The following SPDYA variants were observed in gnomAD, a reference collection of about 807,000 sequenced individuals.
The protein encoded by SPDYA is speedy/RINGO cell cycle regulator family member A, also known as speedy protein A.
SPDYA carries 11 observed loss-of-function variants against 36.7 expected under a neutral mutation model. That is an observed-to-expected ratio of 0.30 (90% CI 0.19 to 0.50). The LOEUF (loss-of-function observed/expected upper bound fraction) is 0.50. Ranked by LOEUF, SPDYA falls within the 20% of genes least tolerant of loss-of-function variation. SPDYA has a pLI of 0.98. For missense variants in SPDYA, 287 were observed against 370.9 expected (o/e 0.77, Z 1.86); for synonymous variants, 115 against 118.7 (o/e 0.97, Z 0.20).
At chr2:28,823,485 G>A (rs1056013059) in intron 5 of SPDYA, among the ~76,000 whole-genome samples, 6 of 150,860 alleles carry the variant, frequency 4.0e-5, no homozygotes, top group Admixed American at 1.3e-4. Flanking sequence ...TTAGCTGGGC[G>A]TGGTGGTGGG....
At chr2:28,823,451 C>T (rs1374533910) in intron 5 of SPDYA, among the ~76,000 whole-genome samples, 3 of 151,396 alleles carry the variant, frequency 2.0e-5, no homozygotes, top group South Asian at 2.1e-4. Context: ...GGTTGAAAGC[C>T]TGTCTCTACT....
At chr2:28,825,250 T>A (rs978565903) in intron 5 of SPDYA, among the ~76,000 whole-genome samples, 23 of 151,988 alleles carry the variant, frequency 1.5e-4, no homozygotes, top group Non-Finnish European at 2.8e-4. Flanking sequence ...GTTTTTTTTT[T>A]ACCTGAGAAT....
chr2:28,842,353 T>C (rs1224126845), intron 7 of SPDYA: 1 of 152,218 alleles, frequency 6.6e-6, no homozygotes, highest in Non-Finnish European at 1.5e-5. Flanking sequence ...GAAGCAGTTA[T>C]ACATATTTTA....
At chr2:28,844,837 A>G (rs1014348435) in intron 7 of SPDYA, among the ~76,000 whole-genome samples, 26 of 152,002 alleles carry the variant, frequency 1.7e-4, no homozygotes, top group Admixed American at 1.6e-3. Flanking sequence ...GGAGGCTGAG[A>G]CAGGAGAATT....
intron 7 of SPDYA, among the ~76,000 whole-genome samples, chr2:28,845,135 G>T (rs1271602862): frequency 3.3e-5 from 5 of 151,940 alleles, no homozygotes; most frequent in Non-Finnish European, 5.9e-5. Context: ...ACCTGGGCTG[G>T]AGTGTAGTGA....
intron 6 of SPDYA, 65 bp downstream of exon 6, chr2:28,829,384 T>G: frequency 6.6e-7 from 1 of 1,508,420 alleles, no homozygotes; most frequent in Non-Finnish European, 8.9e-7. Flanking sequence ...TATCCTTGTT[T>G]TTTAATGTGC....
chr2:28,849,454 G>A (rs1284704365), intron 7 of SPDYA, among the ~76,000 whole-genome samples: 5 of 152,186 alleles, frequency 3.3e-5, no homozygotes, highest in African/African-American at 1.2e-4. Flanking sequence ...ACCACAACCA[G>A]CTAATTTTTG....
chr2:28,842,771 T>C (rs575153095), intron 7 of SPDYA, among the ~76,000 whole-genome samples: 2 of 152,248 alleles, frequency 1.3e-5, no homozygotes, highest in South Asian at 4.1e-4. Context: ...TATACATTCA[T>C]TTTCCTCCAA....
rs769726240 is a variant in SPDYA at position 28,815,100 on chromosome 2, A to C, written c.-19+414A>C. On this transcript the variant is annotated intron_variant, in intron 2 of 7. Transcript: ENST00000334056. Reference sequence around the variant, plus strand: ...AGTTTGAGAGCAGCCTGGGCAACATAGTGAGACCTCATCTCTACAAAAATT... The same window carrying C: ...AGTTTGAGAGCAGCCTGGGCAACATCGTGAGACCTCATCTCTACAAAAATT... Among the ~76,000 whole-genome samples the C allele has an allele frequency of 3.3e-4, 50 of 152,230 alleles. 1 individual carries two copies. The Middle Eastern group carries it at 0.017, about 52-fold the overall frequency.
At chr2:28,826,197 C>T (rs1033549973) in intron 5 of SPDYA, among the ~76,000 whole-genome samples, 1 of 151,714 alleles carries the variant, frequency 6.6e-6, no homozygotes, top group African/African-American at 2.4e-5. Flanking sequence ...AGTGCATTGG[C>T]ACCATCTTGG....
intron 7 of SPDYA, among the ~76,000 whole-genome samples, chr2:28,841,233 C>T (rs1044920810): frequency 6.6e-5 from 10 of 151,950 alleles, no homozygotes; most frequent in Admixed American, 5.2e-4. Context: ...CGCACCCAGG[C>T]CAAAACCTGA....
intron 7 of SPDYA, among the ~76,000 whole-genome samples, chr2:28,848,687 C>G (rs1668949920): frequency 6.6e-6 from 1 of 152,144 alleles, no homozygotes; most frequent in Admixed American, 6.5e-5. Flanking sequence ...TTAAATACTT[C>G]TAGCCTAAGA....
intron 7 of SPDYA, among the ~76,000 whole-genome samples, chr2:28,843,094 ACTC>A (rs1198146089): frequency 2.0e-5 from 3 of 152,026 alleles, no homozygotes; most frequent in African/African-American, 7.3e-5. Context: ...CAAGCAAACA[ACTC>A]CTCAATTTGC....
At chr2:28,829,447 G>T (rs1490729041) in intron 6 of SPDYA, 128 bp downstream of exon 6, 11 of 776,700 alleles carry the variant, frequency 1.4e-5, no homozygotes, top group Non-Finnish European at 1.8e-5. Flanking sequence ...ATGTGGAGTA[G>T]ACCATTGATC....
At chr2:28,829,546 G>T (rs190658021) in intron 6 of SPDYA, among the ~76,000 whole-genome samples, 50 of 151,980 alleles carry the variant, frequency 3.3e-4, no homozygotes, top group Middle Eastern at 6.8e-3. Context: ...CCCTGCTCAC[G>T]CCTGTAATCC....
chr2:28,836,708 C>A (rs1668614704), intron 6 of SPDYA, among the ~76,000 whole-genome samples: 1 of 152,106 alleles, frequency 6.6e-6, no homozygotes. Context: ...CTGCCTCATT[C>A]CTTTTTGGAA....
intron 6 of SPDYA, among the ~76,000 whole-genome samples, chr2:28,837,191 C>T (rs13404833): frequency 0.035 from 5,286 of 152,116 alleles, 328 homozygotes; most frequent in African/African-American, 0.12. Flanking sequence ...TAGCTGGAAA[C>T]AAGGTTGTGA....
intron 4 of SPDYA, among the ~76,000 whole-genome samples, chr2:28,819,444 C>T (rs1668077946): frequency 6.6e-6 from 1 of 152,018 alleles, no homozygotes; most frequent in Non-Finnish European, 1.5e-5. Flanking sequence ...TTGGAGGATA[C>T]AGTGAGCTTT....
chr2:28,826,430 C>G lies in SPDYA; in HGVS notation c.381-2718C>G, dbSNP rs538895406. ...GGGATTACAGACGTGAGCCACTGAGCCTGGCCTGAAGATTGATGCCTTTCA... is the reference window on the plus strand; with the variant it reads ...GGGATTACAGACGTGAGCCACTGAGGCTGGCCTGAAGATTGATGCCTTTCA... On this transcript the variant is annotated intron_variant, in intron 5 of 7. Coordinates refer to ENST00000334056, the MANE Select transcript of SPDYA (RefSeq NM_182756.4). 2.7e-4 allele frequency among the ~76,000 whole-genome samples: 41 copies of G among 152,226 alleles called. No homozygotes were observed. In the South Asian group the frequency reaches 7.9e-3, roughly 29 times the overall value.
Sources: gnomAD v4.1 joint callset for allele counts (sites outside exome capture counted in the v4.1 genomes callset) on GRCh38, gnomAD v4.1.1 for gene constraint, MANE v1.5 for transcripts, NCBI Gene and HGNC (gene_info 2026-07-23, HGNC 2026-07-21) for gene names.